The following CAMTA1 variants were observed in gnomAD, a reference collection of about 807,000 sequenced individuals.
CAMTA1 encodes calmodulin binding transcription activator 1, also known as calmodulin-binding transcription activator 1.
A neutral mutation model predicts 170.9 loss-of-function variants in CAMTA1; 27 were observed. The ratio of observed to expected loss-of-function variants is 0.16; its 90% CI spans 0.12 to 0.22. The LOEUF (loss-of-function observed/expected upper bound fraction) is 0.22, where lower values mean the gene tolerates loss of function less well. Ranked by LOEUF, CAMTA1 falls within the 10% of genes least tolerant of loss-of-function variation. The pLI, the probability that CAMTA1 is intolerant of heterozygous loss-of-function variation, is 1.00. For missense variants in CAMTA1, 1,619 were observed against 2,217.2 expected (o/e 0.73, Z 5.42); for synonymous variants, 833 against 891.5 (o/e 0.93, Z 1.17).
chr1:7,231,350 T>TGAGA (rs1553280259), intron 4 of CAMTA1, among the ~76,000 whole-genome samples: 299 of 141,164 alleles, frequency 2.1e-3, no homozygotes, highest in East Asian at 6.0e-3. Flanking sequence ...TGTGTGTGTG[T>TGAGA]GAGAGAGAGA....
chr1:7,117,573 C>G (rs996286398), intron 4 of CAMTA1, among the ~76,000 whole-genome samples: 1 of 152,184 alleles, frequency 6.6e-6, no homozygotes, highest in Admixed American at 6.5e-5. Context: ...AATAACCTAA[C>G]TGGCTCAAAA....
At chr1:7,167,635 T>A (rs1648753119) in intron 4 of CAMTA1, among the ~76,000 whole-genome samples, 1 of 152,168 alleles carries the variant, frequency 6.6e-6, no homozygotes, top group Admixed American at 6.5e-5. Flanking sequence ...CTTGTCAAAA[T>A]CCTCAAATTC....
At chr1:7,752,581 C>T (rs369224507) in intron 21 of CAMTA1, 48 bp downstream of exon 21, 11 of 1,421,892 alleles carry the variant, frequency 7.7e-6, no homozygotes, top group Non-Finnish European at 1.1e-5. Flanking sequence ...AATGATGAAG[C>T]AACCCTGACC....
At chr1:7,373,247 C>T (rs1376484980) in intron 5 of CAMTA1, among the ~76,000 whole-genome samples, 10 of 152,204 alleles carry the variant, frequency 6.6e-5, no homozygotes, top group Non-Finnish European at 1.0e-4. Flanking sequence ...CCGTCTCTGC[C>T]AGTCGTGACT....
chr1:7,704,705 C>T (rs2096487623), intron 11 of CAMTA1, among the ~76,000 whole-genome samples: 1 of 148,136 alleles, frequency 6.8e-6, no homozygotes, highest in Non-Finnish European at 1.5e-5. Flanking sequence ...GTCCGGGCGG[C>T]GCACTCGGGC....
At chr1:7,698,897 C>G (rs2096408086) in intron 11 of CAMTA1, 1 of 152,304 alleles carries the variant, frequency 6.6e-6, no homozygotes, top group Admixed American at 6.5e-5. Context: ...ACTGAGTAGT[C>G]ATGGGACAGG....
chr1:7,207,899 A>G lies in CAMTA1; in HGVS notation c.303-41592A>G, dbSNP rs530990395. 2.6e-5 allele frequency among the ~76,000 whole-genome samples: 4 copies of G among 152,356 alleles called. No individual in the cohort carries two copies. The East Asian group carries it at 7.7e-4, about 29-fold the overall frequency. Reference sequence around the variant, plus strand: ...CACCTCAGGTCCAGGGATGTCCTCCATTAGCATTTCCCTCATTCTGCTGCC... The same window carrying G: ...CACCTCAGGTCCAGGGATGTCCTCCGTTAGCATTTCCCTCATTCTGCTGCC... On this transcript the variant is annotated intron_variant, in intron 4 of 22. Transcript: ENST00000303635.
At chr1:6,826,304 A>G (rs762064931) in intron 3 of CAMTA1, among the ~76,000 whole-genome samples, 6 of 152,150 alleles carry the variant, frequency 3.9e-5, no homozygotes, top group Non-Finnish European at 5.9e-5. Context: ...GAAGGACTCT[A>G]TGTTTTGATC....
rs372659698 is a variant in CAMTA1 at position 6,922,907 on chromosome 1, A to G, written c.234+97697A>G. On this transcript the variant is annotated intron_variant, in intron 3 of 22. Coordinates refer to ENST00000303635, the MANE Select transcript of CAMTA1 (RefSeq NM_015215.4). ...CCTTCCGTTAAGTGTTCCAGGAATG[A>G]GTCTGCTGGAGGATCACTCCGGTGA... Among the ~76,000 whole-genome samples the G allele has an allele frequency of 2.7e-4, 41 of 152,246 alleles. No individual in the cohort carries two copies. In the South Asian group the frequency reaches 7.9e-3, roughly 29 times the overall value.
At chr1:7,242,794 A>ATAAATAAATAAT (rs1290148636) in intron 4 of CAMTA1, among the ~76,000 whole-genome samples, 8 of 150,918 alleles carry the variant, frequency 5.3e-5, no homozygotes, top group African/African-American at 1.9e-4. Context: ...AAATAAATAA[A>ATAAATAAATAAT]TAAATAAATA....
intron 11 of CAMTA1, among the ~76,000 whole-genome samples, chr1:7,720,989 C>T (rs1287965014): frequency 6.6e-6 from 1 of 152,198 alleles, no homozygotes; most frequent in African/African-American, 2.4e-5. Flanking sequence ...GGAGGCTGCT[C>T]AGGGTTCTTG....
chr1:6,911,541 A>G (rs1375772910), intron 3 of CAMTA1, among the ~76,000 whole-genome samples: 1 of 151,634 alleles, frequency 6.6e-6, no homozygotes, highest in Non-Finnish European at 1.5e-5. Context: ...TCTGTAAATG[A>G]TCTTCATGTT....
Position 7,633,286 on chromosome 1 carries a change from C to T in CAMTA1, c.511-7114C>T, listed in dbSNP as rs1210563933. Among the ~76,000 whole-genome samples, 1 of 152,224 alleles carries T rather than the reference C, an allele frequency of 6.6e-6. No homozygotes were observed. The highest frequency in any genetic ancestry group is 1.9e-4 in the East Asian group (1 of 5,184). Reference sequence around the variant, plus strand: ...CTGTGCCTGGCAGGGCCCTGGGAGTCTGGAACTGGGGAGGTCAGCAGCTCC... The same window carrying T: ...CTGTGCCTGGCAGGGCCCTGGGAGTTTGGAACTGGGGAGGTCAGCAGCTCC... On this transcript the variant is annotated intron_variant, in intron 6 of 22. Coordinates refer to ENST00000303635, the MANE Select transcript of CAMTA1 (RefSeq NM_015215.4). The surrounding 1 kb of genome is among the most constrained non-coding windows in gnomAD (Gnocchi z 4.1).
chr1:7,391,839 A>G (rs1210284490), intron 5 of CAMTA1, among the ~76,000 whole-genome samples: 1 of 152,214 alleles, frequency 6.6e-6, no homozygotes, highest in Non-Finnish European at 1.5e-5. Flanking sequence ...ATGTATCAGT[A>G]CTTCCTTCCT....
At chr1:7,406,818 G>T (rs543274509) in intron 5 of CAMTA1, among the ~76,000 whole-genome samples, 1 of 151,994 alleles carries the variant, frequency 6.6e-6, no homozygotes, top group Non-Finnish European at 1.5e-5. Context: ...CCCCCCTCCC[G>T]ACAATGGGTA....
chr1:7,096,735 C>G (rs371895044), intron 4 of CAMTA1, among the ~76,000 whole-genome samples: 1 of 152,164 alleles, frequency 6.6e-6, no homozygotes, highest in Non-Finnish European at 1.5e-5. Flanking sequence ...GCCACTGTTA[C>G]GCTTGGAGTA....
chr1:7,538,295 G>C (rs957728506), intron 6 of CAMTA1, among the ~76,000 whole-genome samples: 2 of 152,130 alleles, frequency 1.3e-5, no homozygotes, highest in Non-Finnish European at 2.9e-5. Flanking sequence ...GACATCAGCA[G>C]GCCAGGTCAC....
chr1:7,369,597 T>C (rs776418600), intron 5 of CAMTA1, among the ~76,000 whole-genome samples: 41 of 151,962 alleles, frequency 2.7e-4, no homozygotes, highest in Non-Finnish European at 5.4e-4. Flanking sequence ...TATGGGTAAG[T>C]TGTGGGACCA....
Position 6,953,965 on chromosome 1 carries a change from T to C in CAMTA1, c.234+128755T>C, listed in dbSNP as rs1022729381. Among the ~76,000 whole-genome samples, 4 of 152,152 alleles carry C rather than the reference T, an allele frequency of 2.6e-5. No individual in the cohort carries two copies. The East Asian group carries it at 7.7e-4, about 29-fold the overall frequency. On this transcript the variant is annotated intron_variant, in intron 3 of 22. Transcript: ENST00000303635. ...GGTTGCCAGGTCTTCTGAGTGCTGC[T>C]GACCTGAGGGCGGCACTCGAGGGCT...
Sources: allele counts gnomAD v4.1 joint callset (sites outside exome capture counted in the v4.1 genomes callset), GRCh38; gene constraint gnomAD v4.1.1; non-coding constraint Gnocchi (gnomAD v3.1); transcripts MANE v1.5; gene names NCBI Gene and HGNC (gene_info 2026-07-23, HGNC 2026-07-21).